The following RELCH variants were observed in gnomAD, a reference collection of about 807,000 sequenced individuals.
RELCH encodes the protein RAB11-binding protein RELCH.
A neutral mutation model predicts 150.3 loss-of-function variants in RELCH; 41 were observed. The ratio of observed to expected loss-of-function variants is 0.27; its 90% CI spans 0.21 to 0.35. RELCH has a LOEUF of 0.35. RELCH is among the 10% of genes least tolerant of loss of function. RELCH has a pLI of 1.00. For synonymous variants in RELCH, 478 were observed against 531.8 expected, an observed-to-expected ratio of 0.90 and a Z score of 1.39; for missense variants, 1,092 against 1,467.8, an observed-to-expected ratio of 0.74 and a Z score of 4.18.
chr18:62,305,577 A>G lies in RELCH; in HGVS notation c.*43A>G. 1.3e-6 allele frequency: 2 copies of G among 1,563,404 alleles called. No homozygotes were observed. The highest frequency in any genetic ancestry group is 1.2e-5 in the South Asian group (1 of 82,274). ...CCAGTAAACACTAAGATGGACCTCAAGCCGACTGGTTCCTTGTACTTGAAG... is the reference window on the plus strand; with the variant it reads ...CCAGTAAACACTAAGATGGACCTCAGGCCGACTGGTTCCTTGTACTTGAAG... On this transcript the variant is annotated 3_prime_UTR_variant, in exon 29 of 29. Coordinates refer to ENST00000644646, the MANE Select transcript of RELCH (RefSeq NM_001346231.2). The surrounding 1 kb of genome is among the most constrained non-coding windows in gnomAD (Gnocchi z 4.0).
At chr18:62,258,429 GA>G in intron 14 of RELCH, 82 bp from the exon 15 acceptor site, 1 of 1,213,244 alleles carries the variant, frequency 8.2e-7, no homozygotes, top group Non-Finnish European at 1.1e-6. Context: ...TTAATTTATT[GA>G]AATTTTTATT....
At chr18:62,272,296 G>A (rs1049623632) in intron 20 of RELCH, among the ~76,000 whole-genome samples, 1 of 152,038 alleles carries the variant, frequency 6.6e-6, no homozygotes, top group African/African-American at 2.4e-5. Context: ...TATAATGTGC[G>A]ATGTCAGTAT....
chr18:62,197,044 A>G (rs2039096763), intron 1 of RELCH, among the ~76,000 whole-genome samples: 1 of 152,156 alleles, frequency 6.6e-6, no homozygotes, highest in South Asian at 2.1e-4. Flanking sequence ...CTATATTTAG[A>G]CTCTTTATCC....
chr18:62,280,346 T>C (rs2044442223), intron 23 of RELCH: 2 of 1,611,920 alleles, frequency 1.2e-6, no homozygotes, highest in East Asian at 4.5e-5. Flanking sequence ...TATTGCATGT[T>C]GACTGGTTTA....
intron 8 of RELCH, among the ~76,000 whole-genome samples, chr18:62,229,518 G>GTC (rs1555725659): frequency 0.18 from 26,387 of 147,188 alleles, 2,945 homozygotes; most frequent in East Asian, 0.44. Context: ...GTGTGTGTGT[G>GTC]TGTCTGTCTG....
intron 11 of RELCH, among the ~76,000 whole-genome samples, chr18:62,249,926 A>G (rs931347305): frequency 1.3e-5 from 2 of 152,154 alleles, no homozygotes; most frequent in African/African-American, 4.8e-5. Flanking sequence ...TTCTTAATGA[A>G]TCTCAGGCTG....
intron 19 of RELCH, among the ~76,000 whole-genome samples, chr18:62,268,262 G>T (rs2043695982): frequency 6.6e-6 from 1 of 152,034 alleles, no homozygotes; most frequent in South Asian, 2.1e-4. Flanking sequence ...TCCACAGAGG[G>T]TGTATAAGAA....
chr18:62,211,212 G>A lies in RELCH; in HGVS notation c.586G>A (p.Gly196Ser). The A allele has an allele frequency of 6.2e-7, 1 of 1,609,384 alleles. No homozygotes were observed. The highest frequency in any genetic ancestry group is 8.5e-7 in the Non-Finnish European group (1 of 1,176,226). ...AGACTTTGCAAGATATTCAGATGAT[G>A]GTAACAGGGAAACAGATGAAAAAGT... ...SLDFARYSDD[G>S]NRETDEKVAV... is the part of the protein sequence containing the mutation. Residue 196 changes from glycine (G) to serine (S), a missense_variant, in exon 2 of 29, where the codon GGT becomes AGT. Transcript: ENST00000644646.
chr18:62,187,364 T>C lies in RELCH; in HGVS notation c.-142T>C. On this transcript the variant is annotated 5_prime_UTR_variant, in exon 1 of 29. Coordinates refer to ENST00000644646, the MANE Select transcript of RELCH (RefSeq NM_001346231.2). ...CATCCGGATCTCCTGCCTTGGAGCG[T>C]ACTCCTTGTCTCTAAGTCGGGAGGC... 1 of 699,628 alleles carries C rather than the reference T, an allele frequency of 1.4e-6. No individual in the cohort carries two copies. 43.3% of individuals were successfully genotyped at this position (699,628 alleles called of 1,614,324 possible). A position where few individuals can be genotyped will look rare whatever the true frequency, so the allele number is the denominator to read the frequency against.
chr18:62,282,350 T>C lies in RELCH; in HGVS notation c.3159T>C (p.Asp1053=). ...VKMQLASFLE[D]PQYQDQHSLH... ...TGCAGTTGGCTTCTTTCCTGGAAGA[T>C]CCTCAGTATCAAGACCAACATTCTT... The change falls in exon 25 of 29, where the codon GAT becomes GAC. Residue 1053 remains aspartate (D), a synonymous_variant. Transcript: ENST00000644646. 1 of 1,613,198 alleles carries C rather than the reference T, an allele frequency of 6.2e-7. No individual in the cohort carries two copies. The highest frequency in any genetic ancestry group is 2.2e-5 in the East Asian group (1 of 44,858).
chr18:62,211,897 C>T (rs1397571263), intron 2 of RELCH, among the ~76,000 whole-genome samples: 1 of 152,196 alleles, frequency 6.6e-6, no homozygotes, highest in Admixed American at 6.5e-5. Flanking sequence ...TCAGAAATTT[C>T]TGACTTTGCT....
Position 62,231,257 on chromosome 18 carries a change from T to C in RELCH, c.1512T>C (p.Arg504=), listed in dbSNP as rs1196334092. 1.9e-6 allele frequency: 3 copies of C among 1,601,458 alleles called. No homozygotes were observed. In the African/African-American group the frequency reaches 4.0e-5, roughly 21 times the overall value. The change falls in exon 9 of 29, where the codon CGT becomes CGC. Residue 504 remains arginine, a synonymous_variant. Transcript: ENST00000644646. ...TTTGTCGAATGTCAGCAGATAGTCG[T>C]TTAGGATACGAGGTAAATTATACCA... is the stretch of plus-strand genomic sequence containing the variant. ...LSFCRMSADS[R]LGYEVSRIAD...
At chr18:62,297,758 C>T (rs564586625) in intron 27 of RELCH, among the ~76,000 whole-genome samples, 1 of 152,326 alleles carries the variant, frequency 6.6e-6, no homozygotes, top group South Asian at 2.1e-4. Flanking sequence ...CCTGCACCAA[C>T]TCTGTCTTCT....
At chr18:62,211,372 GTTACTAA>G (rs1193692833) in intron 2 of RELCH, 130 bp downstream of exon 2, 2 of 507,776 alleles carry the variant, frequency 3.9e-6, no homozygotes, top group Non-Finnish European at 6.8e-6. Context: ...ACAAAGTTAT[GTTACTAA>G]TTACTAATTT....
chr18:62,284,940 A>G (rs9960526), intron 25 of RELCH, among the ~76,000 whole-genome samples: 9,711 of 152,128 alleles, frequency 0.064, 1,025 homozygotes, highest in African/African-American at 0.22. Context: ...GAAAATGTTC[A>G]GTCGTACATT....
At chr18:62,253,932 T>A (rs1020776583) in intron 12 of RELCH, among the ~76,000 whole-genome samples, 2 of 152,152 alleles carry the variant, frequency 1.3e-5, no homozygotes, top group African/African-American at 4.8e-5. Flanking sequence ...TTCTTTTGTC[T>A]TTTTCTTTTC....
chr18:62,191,984 A>G (rs1372984968), intron 1 of RELCH, among the ~76,000 whole-genome samples: 1 of 152,204 alleles, frequency 6.6e-6, no homozygotes, highest in Non-Finnish European at 1.5e-5. Flanking sequence ...GTCTTCCACA[A>G]TGGTTTAACT....
chr18:62,187,450 G>C lies in RELCH; in HGVS notation c.-56G>C. ...GTGTCCCCTGAGGCCTAGAGGATTC[G>C]GGCTGCGGCCCGTCGGAACCAGTCA... On this transcript the variant is annotated 5_prime_UTR_variant, in exon 1 of 29. Coordinates refer to ENST00000644646, the MANE Select transcript of RELCH (RefSeq NM_001346231.2). 1 of 1,480,466 alleles carries C rather than the reference G, an allele frequency of 6.8e-7. No individual in the cohort carries two copies. The highest frequency in any genetic ancestry group is 1.4e-5 in the African/African-American group (1 of 71,312). 91.7% of individuals were successfully genotyped at this position (1,480,466 alleles called of 1,614,324 possible).
At chr18:62,265,338 C>T (rs1473445424) in intron 18 of RELCH, among the ~76,000 whole-genome samples, 4 of 152,014 alleles carry the variant, frequency 2.6e-5, no homozygotes, top group African/African-American at 9.7e-5. Context: ...CTACATGTTT[C>T]AGTCATTACC....
Sources: gnomAD v4.1 joint callset for allele counts (sites outside exome capture counted in the v4.1 genomes callset) on GRCh38, gnomAD v4.1.1 for gene constraint, Gnocchi (gnomAD v3.1) non-coding constraint, MANE v1.5 for transcripts, NCBI Gene and HGNC (gene_info 2026-07-23, HGNC 2026-07-21) for gene names.